LRP1B: variants seen among roughly 807,000 people sequenced by gnomAD.
LRP1B encodes the protein LDL receptor related protein 1B, also known as low-density lipoprotein receptor-related protein 1B.
In LRP1B, 217 loss-of-function variants were observed where a neutral mutation model predicts 556.6. The observed-to-expected ratio is 0.39, with a 90% CI of 0.35 to 0.44. The LOEUF (loss-of-function observed/expected upper bound fraction) is 0.44. Ranked by LOEUF, LRP1B falls within the 20% of genes least tolerant of loss-of-function variation. LRP1B has a pLI of 1.00. For synonymous variants in LRP1B, 2,047 were observed against 1,865.8 expected, an observed-to-expected ratio of 1.10 and a Z score of -2.50; for missense variants, 5,053 against 5,620.8, an observed-to-expected ratio of 0.90 and a Z score of 3.23.
chr2:141,797,145 TCATATATATATATATATATATA>T (rs1362828078), intron 2 of LRP1B, among the ~76,000 whole-genome samples: 5 of 41,862 alleles, frequency 1.2e-4, no homozygotes, highest in Non-Finnish European at 1.9e-4. Context: ...TTGAAAATAA[TCATATATATATATATATATATA>T]TATATATATA....
At chr2:140,284,960 A>T (rs557283076) in intron 84 of LRP1B, among the ~76,000 whole-genome samples, 98 of 150,738 alleles carry the variant, frequency 6.5e-4, no homozygotes, top group Non-Finnish European at 1.4e-3. Flanking sequence ...ATAACTAGAT[A>T]TCTATCTCTA....
Position 141,254,645 on chromosome 2 carries a change from T to A in LRP1B, c.344-4A>T, listed in dbSNP as rs1558962601. ...TGTTGGCAATTGGATAACAGTTCTGTAGAGAAAAAACAAATATATTCTCTA... is the reference window on the plus strand; with the variant it reads ...TGTTGGCAATTGGATAACAGTTCTGAAGAGAAAAAACAAATATATTCTCTA... On this transcript the variant is annotated splice_polypyrimidine_tract_variant and splice_region_variant and intron_variant, in intron 3 of 90. Coordinates refer to ENST00000389484, the MANE Select transcript of LRP1B (RefSeq NM_018557.3). The A allele has an allele frequency of 6.2e-7, 1 of 1,603,064 alleles. No individual in the cohort carries two copies. Among genetic ancestry groups the A allele is most frequent in the South Asian group, 1.1e-5 (1 of 90,496 alleles).
intron 41 of LRP1B, among the ~76,000 whole-genome samples, chr2:140,696,171 T>G (rs1225852814): frequency 6.6e-6 from 1 of 152,184 alleles, no homozygotes. Context: ...AATACCTAGA[T>G]GGAAACACAT....
At chr2:140,719,296 A>G (rs952703721) in intron 35 of LRP1B, among the ~76,000 whole-genome samples, 1 of 152,126 alleles carries the variant, frequency 6.6e-6, no homozygotes, top group Non-Finnish European at 1.5e-5. Flanking sequence ...AACAGAAGGT[A>G]TACACATGAA....
intron 2 of LRP1B, among the ~76,000 whole-genome samples, chr2:141,673,742 AAAT>A (rs1055989523): frequency 1.3e-5 from 2 of 152,080 alleles, no homozygotes; most frequent in African/African-American, 4.8e-5. Flanking sequence ...TCTCTTTGTT[AAAT>A]AATATTTTGT....
At chr2:141,166,283 G>A (rs957720464) in intron 7 of LRP1B, among the ~76,000 whole-genome samples, 2 of 149,768 alleles carry the variant, frequency 1.3e-5, no homozygotes, top group South Asian at 2.1e-4. Flanking sequence ...CCTTCCCATC[G>A]TTTTATTGTC....
intron 27 of LRP1B, among the ~76,000 whole-genome samples, chr2:140,853,962 AG>A (rs1692535866): frequency 6.6e-6 from 1 of 151,794 alleles, no homozygotes; most frequent in African/African-American, 2.4e-5. Context: ...GGACAGGAGG[AG>A]GAGTGAGTAA....
chr2:142,010,820 T>C (rs993666444), intron 1 of LRP1B, among the ~76,000 whole-genome samples: 1 of 152,118 alleles, frequency 6.6e-6, no homozygotes, highest in Non-Finnish European at 1.5e-5. Flanking sequence ...CAACTTCTTA[T>C]GCAGGGAAAG....
chr2:142,009,426 G>A lies in LRP1B; in HGVS notation c.82+121222C>T, dbSNP rs543786675. Among the ~76,000 whole-genome samples, 39 of 152,078 alleles carry A rather than the reference G, an allele frequency of 2.6e-4. No individual in the cohort carries two copies. In the South Asian group the frequency reaches 4.6e-3, roughly 18 times the overall value. On this transcript the variant is annotated intron_variant, in intron 1 of 90. Transcript: ENST00000389484. ...GACTCTTGCCTATCTCTGAAGCACCGTCTTGCATTGATACTTCACATGCAT... is the reference window on the plus strand; with the variant it reads ...GACTCTTGCCTATCTCTGAAGCACCATCTTGCATTGATACTTCACATGCAT...
At chr2:140,955,173 T>C (rs900855102) in intron 18 of LRP1B, among the ~76,000 whole-genome samples, 7 of 151,920 alleles carry the variant, frequency 4.6e-5, no homozygotes, top group African/African-American at 1.7e-4. Flanking sequence ...ACCACTTGAA[T>C]AACTCCCGGG....
At position 140,335,027 on chromosome 2, in the gene LRP1B, G is replaced by T. The variant is rs1193113027; in HGVS notation, c.12117-468C>A. Among the ~76,000 whole-genome samples, 3 of 151,818 alleles carry T rather than the reference G, an allele frequency of 2.0e-5. 1 individual carries two copies. The South Asian group carries it at 6.2e-4, about 32-fold the overall frequency. On this transcript the variant is annotated intron_variant, in intron 78 of 90. Transcript: ENST00000389484. ...GCATAATTCTAATAATTAAGTATAA[G>T]TTGTCTCTTTTTACTCAGGAGTTAT...
chr2:140,986,034 A>T (rs1696912476), intron 17 of LRP1B, among the ~76,000 whole-genome samples: 1 of 151,384 alleles, frequency 6.6e-6, no homozygotes, highest in African/African-American at 2.4e-5. Flanking sequence ...CTATTTATGA[A>T]TTCATAAACA....
intron 35 of LRP1B, among the ~76,000 whole-genome samples, chr2:140,740,138 A>G (rs180885091): frequency 6.6e-6 from 1 of 152,148 alleles, no homozygotes; most frequent in Admixed American, 6.5e-5. Flanking sequence ...ACTAAGTAGA[A>G]CTACCATCTG....
At chr2:141,639,349 T>TATATATATATACACAC (rs1262198983) in intron 2 of LRP1B, among the ~76,000 whole-genome samples, 1 of 56,108 alleles carries the variant, frequency 1.8e-5, no homozygotes, top group Non-Finnish European at 3.2e-5. Context: ...TATATATATA[T>TATATATATATACACAC]ACACACACAC....
intron 2 of LRP1B, among the ~76,000 whole-genome samples, chr2:141,545,698 A>C (rs920061038): frequency 6.6e-6 from 1 of 152,128 alleles, no homozygotes; most frequent in Admixed American, 6.6e-5. Flanking sequence ...TAGTAATAAT[A>C]AATAAAGTGA....
Position 141,240,398 on chromosome 2 carries a change from G to A in LRP1B, c.592+6828C>T, listed in dbSNP as rs532531119. Among the ~76,000 whole-genome samples the A allele has an allele frequency of 2.6e-5, 4 of 151,870 alleles. No homozygotes were observed. The South Asian group carries it at 6.2e-4, about 24-fold the overall frequency. ...ATGTCAAAATTATTCTGTCTACTCG[G>A]ATTTTAAGGTTTTTTCCCTCCGAGG... On this transcript the variant is annotated intron_variant, in intron 5 of 90. Transcript: ENST00000389484.
rs766395471 is a variant in LRP1B at position 140,322,131 on chromosome 2, A to G, written c.12515-43T>C. On this transcript the variant is annotated intron_variant, in intron 81 of 90. Transcript: ENST00000389484. The stretch of plus-strand genomic sequence containing the variant: ...AACAAAGAAGTGTGTAAATATAGAT[A>G]CAATAGGCTTCAAAAGCATAAAATT... 4 of 1,562,156 alleles carry G rather than the reference A, an allele frequency of 2.6e-6. No homozygotes were observed. In the East Asian group the frequency reaches 9.0e-5, roughly 35 times the overall value.
At chr2:141,497,429 CA>C (rs1683546632) in intron 2 of LRP1B, among the ~76,000 whole-genome samples, 1 of 151,866 alleles carries the variant, frequency 6.6e-6, no homozygotes, top group Admixed American at 6.6e-5. Context: ...TGAAAACAAA[CA>C]AAAAACACCT....
At chr2:140,838,306 G>C (rs1691984412) in intron 31 of LRP1B, among the ~76,000 whole-genome samples, 3 of 151,970 alleles carry the variant, frequency 2.0e-5, no homozygotes. Context: ...CCTTTGTATG[G>C]GTCCTAATCT....
Sources: gnomAD v4.1 joint callset for allele counts (sites outside exome capture counted in the v4.1 genomes callset) on GRCh38, gnomAD v4.1.1 for gene constraint, MANE v1.5 for transcripts, NCBI Gene and HGNC (gene_info 2026-07-23, HGNC 2026-07-21) for gene names.